The following PRDM16 variants were observed in gnomAD, a reference collection of about 807,000 sequenced individuals.
The protein encoded by PRDM16 is PR/SET domain 16, also known as histone-lysine N-methyltransferase PRDM16.
PRDM16 carries 23 observed loss-of-function variants against 110.6 expected under a neutral mutation model. The ratio of observed to expected loss-of-function variants is 0.21; its 90% CI spans 0.15 to 0.29. The LOEUF is 0.29. PRDM16 is among the 10% of genes least tolerant of loss of function. PRDM16 has a pLI of 1.00. For synonymous variants in PRDM16, 799 were observed against 781.8 expected (o/e 1.02, Z -0.37); for missense variants, 1,615 against 1,794.3 (o/e 0.90, Z 1.81).
chr1:3,158,471 C>T (rs1643874286), intron 1 of PRDM16, among the ~76,000 whole-genome samples: 1 of 152,120 alleles, frequency 6.6e-6, no homozygotes, highest in African/African-American at 2.4e-5. Context: ...AACCTATTTT[C>T]TCGCCTATAC....
Position 3,423,027 on chromosome 1 carries a change from CT to C in PRDM16, c.2940-2553del, listed in dbSNP as rs1638482959. Among the ~76,000 whole-genome samples, 8 of 152,340 alleles carry C rather than the reference CT, an allele frequency of 5.3e-5. No homozygotes were observed. In the South Asian group the frequency reaches 1.7e-3, roughly 32 times the overall value. On this transcript the variant is annotated intron_variant, in intron 12 of 16. Coordinates refer to ENST00000270722, the MANE Select transcript of PRDM16 (RefSeq NM_022114.4). Reference sequence around the variant, plus strand: ...CGATCACCAATGCTTCTTTTCCTGTCTACTGTTGAAGAGGCCAGAGTGAGCC... The same window carrying C: ...CGATCACCAATGCTTCTTTTCCTGTCACTGTTGAAGAGGCCAGAGTGAGCC...
chr1:3,109,274 C>T (rs1642733662), intron 1 of PRDM16, among the ~76,000 whole-genome samples: 1 of 152,092 alleles, frequency 6.6e-6, no homozygotes, highest in Non-Finnish European at 1.5e-5. Context: ...GGGCTGCCAC[C>T]AGCTCCTTCG....
chr1:3,410,071 T>G (rs946306939), intron 8 of PRDM16, among the ~76,000 whole-genome samples: 9 of 143,290 alleles, frequency 6.3e-5, no homozygotes, highest in Admixed American at 2.1e-4. Context: ...TGGTTGTGTA[T>G]GTGCATGTGT....
intron 8 of PRDM16, among the ~76,000 whole-genome samples, chr1:3,408,442 T>G (rs181280585): frequency 1.3e-5 from 2 of 152,234 alleles, no homozygotes; most frequent in African/African-American, 2.4e-5. Context: ...CACTGGGCAC[T>G]TTGCAGAAAG....
Position 3,397,527 on chromosome 1 carries a change from C to A in PRDM16, c.676+934C>A, listed in dbSNP as rs1434520759. On this transcript the variant is annotated intron_variant, in intron 5 of 16. Coordinates refer to ENST00000270722, the MANE Select transcript of PRDM16 (RefSeq NM_022114.4). ...AGGAAAGGCTCTGTGGGCAGTGAGGCCCTGGCCCGTCGGCTCCACGCCGGT... is the reference window on the plus strand; with the variant it reads ...AGGAAAGGCTCTGTGGGCAGTGAGGACCTGGCCCGTCGGCTCCACGCCGGT... Among the ~76,000 whole-genome samples the A allele has an allele frequency of 2.0e-5, 3 of 152,274 alleles. No individual in the cohort carries two copies. The East Asian group carries it at 5.8e-4, about 29-fold the overall frequency.
At chr1:3,324,079 T>A (rs1353830451) in intron 3 of PRDM16, among the ~76,000 whole-genome samples, 4 of 152,158 alleles carry the variant, frequency 2.6e-5, no homozygotes, top group Non-Finnish European at 5.9e-5. Flanking sequence ...GGCCAGCCCC[T>A]CCTGGACACT....
intron 1 of PRDM16, among the ~76,000 whole-genome samples, chr1:3,070,632 C>CCCTCCAGGCCGGCCT (rs1641730865): frequency 6.7e-6 from 1 of 149,130 alleles, no homozygotes; most frequent in Non-Finnish European, 1.5e-5. Context: ...GGGGCCGGGT[C>CCCTCCAGGCCGGCCT]CCTCCAGGCC....
At chr1:3,348,168 C>G (rs1642400141) in intron 3 of PRDM16, among the ~76,000 whole-genome samples, 1 of 152,182 alleles carries the variant, frequency 6.6e-6, no homozygotes, top group Non-Finnish European at 1.5e-5. Flanking sequence ...CCTGGGGGGT[C>G]TGGCCCAACC....
At chr1:3,153,079 C>T (rs577300875) in intron 1 of PRDM16, among the ~76,000 whole-genome samples, 2 of 152,366 alleles carry the variant, frequency 1.3e-5, no homozygotes, top group South Asian at 2.1e-4. Context: ...CCAGCTCCAG[C>T]GGTGCTCAGA....
intron 3 of PRDM16, among the ~76,000 whole-genome samples, chr1:3,373,321 C>T (rs1488325134): frequency 4.6e-5 from 7 of 152,188 alleles, no homozygotes; most frequent in Admixed American, 2.6e-4. Context: ...ATCGCCATGC[C>T]CTGGAGAGAC....
At chr1:3,137,031 G>A (rs1444060523) in intron 1 of PRDM16, among the ~76,000 whole-genome samples, 1 of 152,220 alleles carries the variant, frequency 6.6e-6, no homozygotes, top group Non-Finnish European at 1.5e-5. Context: ...GGACAGATGG[G>A]GTGGGTGAAA....
In PRDM16 at chr1:3,282,642, T is replaced by G. The variant is rs562851781; in HGVS notation, c.438+38505T>G. ...CTGAAGCCTTCCTGGTCTTGGTGTC[T>G]GGAAAAAACTCGCCAAGAGAGCAGG... On this transcript the variant is annotated intron_variant, in intron 3 of 16. Transcript: ENST00000270722. Among the ~76,000 whole-genome samples the G allele has an allele frequency of 5.3e-5, 8 of 152,260 alleles. 1 individual carries two copies. The highest frequency in any genetic ancestry group is 1.4e-4 in the African/African-American group (6 of 41,550).
At chr1:3,276,088 G>A (rs553892695) in intron 3 of PRDM16, among the ~76,000 whole-genome samples, 2 of 152,392 alleles carry the variant, frequency 1.3e-5, no homozygotes, top group African/African-American at 4.8e-5. Flanking sequence ...CCACAGCCAG[G>A]ACTTGCCAAA....
At position 3,358,523 on chromosome 1, in the gene PRDM16, G is replaced by A. The variant is rs1642654579; in HGVS notation, c.439-26629G>A. On this transcript the variant is annotated intron_variant, in intron 3 of 16. Coordinates refer to ENST00000270722, the MANE Select transcript of PRDM16 (RefSeq NM_022114.4). The surrounding 1 kb of genome is among the most constrained non-coding windows in gnomAD (Gnocchi z 4.0). ...GATGCAGCTGGAATAAGGTTCCAGT[G>A]TTCCCTTTCCCGTCACCAGGCAGAG... Among the ~76,000 whole-genome samples the A allele has an allele frequency of 2.0e-5, 3 of 152,182 alleles. No homozygotes were observed. Among genetic ancestry groups the A allele is most frequent in the South Asian group, 4.1e-4 (2 of 4,824 alleles).
chr1:3,166,151 C>T (rs1469070975), intron 1 of PRDM16, among the ~76,000 whole-genome samples: 1 of 152,272 alleles, frequency 6.6e-6, no homozygotes, highest in Non-Finnish European at 1.5e-5. Flanking sequence ...AATTCATTAA[C>T]TGCCAGGAAA....
At chr1:3,220,449 G>C (rs952170179) in intron 2 of PRDM16, among the ~76,000 whole-genome samples, 1 of 152,234 alleles carries the variant, frequency 6.6e-6, no homozygotes, top group African/African-American at 2.4e-5. Context: ...CGCAGGACCA[G>C]CACAGGTTGG....
chr1:3,130,546 C>A (rs760264956), intron 1 of PRDM16, among the ~76,000 whole-genome samples: 1 of 152,200 alleles, frequency 6.6e-6, no homozygotes, highest in East Asian at 1.9e-4. Flanking sequence ...TAGGTTTCCT[C>A]GCTGAAACAT....
intron 3 of PRDM16, among the ~76,000 whole-genome samples, chr1:3,296,149 C>T (rs983558175): frequency 3.3e-5 from 5 of 152,198 alleles, no homozygotes; most frequent in Non-Finnish European, 1.5e-5. Context: ...GTTCCGGAAC[C>T]GTACGGGTCA....
rs1643114429 is a variant in PRDM16 at position 3,382,252 on chromosome 1, C to T, written c.439-2900C>T. Among the ~76,000 whole-genome samples, 1 of 152,204 alleles carries T rather than the reference C, an allele frequency of 6.6e-6. No homozygotes were observed. The highest frequency in any genetic ancestry group is 2.4e-5 in the African/African-American group (1 of 41,448). ...CAGCCGCTTGTGGCCTCCTCCCTCC[C>T]ATGCCACGCCCCTGCCACCCCTGTC... On this transcript the variant is annotated intron_variant, in intron 3 of 16. Transcript: ENST00000270722. The surrounding 1 kb of genome is among the most constrained non-coding windows in gnomAD (Gnocchi z 6.6).
Sources: gnomAD v4.1 joint callset for allele counts (sites outside exome capture counted in the v4.1 genomes callset) on GRCh38, gnomAD v4.1.1 for gene constraint, Gnocchi (gnomAD v3.1) non-coding constraint, MANE v1.5 for transcripts, NCBI Gene and HGNC (gene_info 2026-07-23, HGNC 2026-07-21) for gene names.